Variants in ZNF354B observed in about 807,000 individuals in gnomAD.
ZNF354B encodes zinc finger protein 354B.
In ZNF354B, 10 loss-of-function variants were observed where a neutral mutation model predicts 12.9. The observed-to-expected ratio is 0.77, with a 90% CI of 0.48 to 1.31. The LOEUF is 1.31. Among genes scored for constraint, ZNF354B ranks in the 40% most tolerant of loss-of-function variants. The pLI, the probability that ZNF354B is intolerant of heterozygous loss-of-function variation, is 0.00. For missense variants in ZNF354B, 614 were observed against 711.7 expected (o/e 0.86, Z 1.56); for synonymous variants, 260 against 243.7 (o/e 1.07, Z -0.62).
chr5:178,875,457 A>G (rs1196199740), intron 4 of ZNF354B, among the ~76,000 whole-genome samples: 1 of 152,146 alleles, frequency 6.6e-6, no homozygotes, highest in East Asian at 1.9e-4. Context: ...GTCACCAGCG[A>G]GACAGACTGA....
chr5:178,875,109 T>G (rs1757617375), intron 4 of ZNF354B, among the ~76,000 whole-genome samples: 1 of 152,166 alleles, frequency 6.6e-6, no homozygotes, highest in Admixed American at 6.5e-5. Context: ...TCCTCAAGAT[T>G]GCAGCCGTGC....
chr5:178,873,628 G>T (rs1438477054), intron 4 of ZNF354B, among the ~76,000 whole-genome samples: 2 of 152,176 alleles, frequency 1.3e-5, no homozygotes, highest in African/African-American at 4.8e-5. Flanking sequence ...ATTGTTCTGT[G>T]TTTCTGTTCC....
At chr5:178,876,318 A>G (rs897152191) in intron 4 of ZNF354B, among the ~76,000 whole-genome samples, 1 of 152,180 alleles carries the variant, frequency 6.6e-6, no homozygotes, top group African/African-American at 2.4e-5. Context: ...GCAGCTGTGC[A>G]CTTCCTGGAG....
In ZNF354B at chr5:178,878,826, C is replaced by T. The variant is rs1417729117; in HGVS notation, c.257-3883C>T. On this transcript the variant is annotated intron_variant, in intron 4 of 4. Transcript: ENST00000322434. ...CAAGTTATTCTCTGCCTTAGCCTCC[C>T]AAGTAGCTGGGATTATAGGCATGCA... Among the ~76,000 whole-genome samples, 3 of 152,064 alleles carry T rather than the reference C, an allele frequency of 2.0e-5. No individual in the cohort carries two copies. In the East Asian group the frequency reaches 5.8e-4, roughly 30 times the overall value.
chr5:178,879,637 C>T (rs1266214763), intron 4 of ZNF354B, among the ~76,000 whole-genome samples: 2 of 152,250 alleles, frequency 1.3e-5, no homozygotes, highest in Admixed American at 1.3e-4. Context: ...TCTCAGCCTC[C>T]CAAAGTGCTA....
At chr5:178,868,837 TG>T (rs1275536334) in intron 4 of ZNF354B, among the ~76,000 whole-genome samples, 1 of 151,904 alleles carries the variant, frequency 6.6e-6, no homozygotes, top group Non-Finnish European at 1.5e-5. Flanking sequence ...CCGGGCATGG[TG>T]GCGGGCGCCT....
rs1757751969 is a variant in ZNF354B, at chr5:178,883,414, C to G, written c.962C>G (p.Ala321Gly). 6 of 1,614,072 alleles carry G rather than the reference C, an allele frequency of 3.7e-6. No individual in the cohort carries two copies. Among genetic ancestry groups the G allele is most frequent in the South Asian group, 1.1e-5 (1 of 91,080 alleles). The change falls in exon 5 of 5, where the codon GCT becomes GGT. Residue 321 changes from alanine to glycine, a missense_variant. Transcript: ENST00000322434. ...SGLFIHQKIHAQENPHKYNPG... is the reference protein window; with the variant it reads ...SGLFIHQKIHGQENPHKYNPG... ...CTTTTTATACATCAAAAAATCCATGCTCAAGAAAATCCCCATAAATACAAT... is the reference window on the plus strand; with the variant it reads ...CTTTTTATACATCAAAAAATCCATGGTCAAGAAAATCCCCATAAATACAAT...
intron 4 of ZNF354B, among the ~76,000 whole-genome samples, chr5:178,878,717 T>C (rs1018001909): frequency 2.0e-5 from 3 of 152,150 alleles, no homozygotes; most frequent in African/African-American, 7.2e-5. Context: ...GTTTTGTTTT[T>C]TTGAGATGGA....
In ZNF354B at chr5:178,884,180, AC is replaced by A. The variant is rs1331919668; in HGVS notation, c.1731del (p.Tyr578MetfsTer29). ...AHQRIHTGEK[P>X]YECNACGKLF... is the part of the protein sequence containing the mutation. ...ATCAAAGAATTCATACTGGAGAGAA[AC>A]CCTATGAATGTAATGCATGTGGGAA... On this transcript the variant is annotated frameshift_variant, in exon 5 of 5. Transcript: ENST00000322434. LOFTEE classifies it low-confidence loss of function (END_TRUNC). 2.5e-6 allele frequency: 4 copies of A among 1,614,040 alleles called. No individual in the cohort carries two copies. Among genetic ancestry groups the A allele is most frequent in the East Asian group, 2.2e-5 (1 of 44,866 alleles).
chr5:178,860,377 C>G (rs1364816309), intron 1 of ZNF354B, among the ~76,000 whole-genome samples: 3 of 152,020 alleles, frequency 2.0e-5, no homozygotes, highest in African/African-American at 7.2e-5. Flanking sequence ...CCACCCTGCG[C>G]GCGCCGTGTG....
rs1215707194 is a variant in ZNF354B at position 178,882,799 on chromosome 5, C to A, written c.347C>A (p.Pro116His). 1.2e-6 allele frequency: 2 copies of A among 1,602,706 alleles called. No individual in the cohort carries two copies. The highest frequency in any genetic ancestry group is 1.7e-6 in the Non-Finnish European group (2 of 1,177,336). The change falls in exon 5 of 5, where the codon CCC becomes CAC. Residue 116 changes from proline to histidine, a missense_variant. Transcript: ENST00000322434. ...QIRKRLKRDE[P>H]WNFISERSCI... is the part of the protein sequence containing the mutation. Reference sequence around the variant, plus strand: ...AGGAAAAGATTGAAAAGGGATGAACCCTGGAACTTCATATCAGAAAGATCC... The same window carrying A: ...AGGAAAAGATTGAAAAGGGATGAACACTGGAACTTCATATCAGAAAGATCC...
At chr5:178,877,781 T>C (rs902863589) in intron 4 of ZNF354B, among the ~76,000 whole-genome samples, 3 of 152,170 alleles carry the variant, frequency 2.0e-5, no homozygotes, top group African/African-American at 7.2e-5. Context: ...CCAACTAATA[T>C]TAATTTCACT....
Position 178,866,309 on chromosome 5 carries a change from T to G in ZNF354B, c.99T>G (p.Pro33=). 6.2e-7 allele frequency: 1 copy of G among 1,614,130 alleles called. No homozygotes were observed. The highest frequency in any genetic ancestry group is 8.5e-7 in the Non-Finnish European group (1 of 1,180,006). Residue 33 remains proline, a synonymous_variant, in exon 3 of 5, where the codon CCT becomes CCG. Coordinates refer to ENST00000322434, the MANE Select transcript of ZNF354B (RefSeq NM_058230.3). ...GGGATGAGTGGAGAAAGCTGGCTCC[T>G]TCTCAGAGAAACTTGTACCGGGATG... ...FTWDEWRKLA[P]SQRNLYRDVM... is the part of the protein sequence containing the mutation.
chr5:178,866,206 G>A, intron 2 of ZNF354B, 38 bp from the exon 3 acceptor site: 1 of 1,611,364 alleles, frequency 6.2e-7, no homozygotes, highest in East Asian at 2.2e-5. Flanking sequence ...ACTCTGTGAG[G>A]GTGGTCCTGG....
At position 178,884,511 on chromosome 5, in the gene ZNF354B, G is replaced by C; in HGVS notation, c.*220G>C. ...AGACATTGAAATTGGCCATTTGTAAGATAAAAGGTATGTTTATAAAATCTC... is the reference window on the plus strand; with the variant it reads ...AGACATTGAAATTGGCCATTTGTAACATAAAAGGTATGTTTATAAAATCTC... On this transcript the variant is annotated 3_prime_UTR_variant, in exon 5 of 5. Transcript: ENST00000322434. The C allele has an allele frequency of 2.3e-6, 1 of 436,342 alleles. No homozygotes were observed. Among genetic ancestry groups the C allele is most frequent in the Non-Finnish European group, 4.0e-6 (1 of 252,376 alleles). The allele number at this position is 436,342 out of a possible 1,614,324, so 27.0% of individuals were successfully genotyped here. A position where few individuals can be genotyped will look rare whatever the true frequency, so the allele number is the denominator to read the frequency against.
rs576420712 is a variant in ZNF354B at position 178,868,323 on chromosome 5, G to A, written c.256+1252G>A. 9.4e-4 allele frequency among the ~76,000 whole-genome samples: 140 copies of A among 148,402 alleles called. 1 individual carries two copies. The highest frequency in any genetic ancestry group is 3.3e-3 in the African/African-American group (129 of 39,096). Reference sequence around the variant, plus strand: ...AAGCAGGAGGAATCTGACAGAGCCCGAGAAGTAATCAGAGGAGAGAAACGG... The same window carrying A: ...AAGCAGGAGGAATCTGACAGAGCCCAAGAAGTAATCAGAGGAGAGAAACGG... On this transcript the variant is annotated intron_variant, in intron 4 of 4. Coordinates refer to ENST00000322434, the MANE Select transcript of ZNF354B (RefSeq NM_058230.3).
chr5:178,876,045 T>A (rs1757632900), intron 4 of ZNF354B, among the ~76,000 whole-genome samples: 1 of 152,198 alleles, frequency 6.6e-6, no homozygotes, highest in Non-Finnish European at 1.5e-5. Context: ...TGTAGTGTAC[T>A]AGAGGTACCA....
chr5:178,871,700 C>G (rs1757566709), intron 4 of ZNF354B, among the ~76,000 whole-genome samples: 1 of 152,086 alleles, frequency 6.6e-6, no homozygotes, highest in Non-Finnish European at 1.5e-5. Flanking sequence ...GTGAACCAGT[C>G]CCAGAGATGT....
At chr5:178,880,831 A>ATTTTTTTTTTT (rs56013359) in intron 4 of ZNF354B, among the ~76,000 whole-genome samples, 1 of 76,146 alleles carries the variant, frequency 1.3e-5, no homozygotes, top group African/African-American at 6.1e-5. Flanking sequence ...ACTCATGGTC[A>ATTTTTTTTTTT]TTTTTTTTTT....
Sources: allele counts gnomAD v4.1 joint callset (sites outside exome capture counted in the v4.1 genomes callset), GRCh38; gene constraint gnomAD v4.1.1; transcripts MANE v1.5; gene names NCBI Gene and HGNC (gene_info 2026-07-23, HGNC 2026-07-21).